Variants in PRKG1 observed in about 807,000 individuals in gnomAD.
PRKG1 encodes protein kinase cGMP-dependent 1.
In PRKG1, 35 loss-of-function variants were observed where a neutral mutation model predicts 88.1. The ratio of observed to expected loss-of-function variants is 0.40; its 90% CI spans 0.30 to 0.53. The LOEUF (loss-of-function observed/expected upper bound fraction) is 0.53. Ranked by LOEUF, PRKG1 falls within the 20% of genes least tolerant of loss-of-function variation. PRKG1 has a pLI of 0.59. For synonymous variants in PRKG1, 303 were observed against 292.5 expected, an observed-to-expected ratio of 1.04 and a Z score of -0.37; for missense variants, 540 against 839.8, an observed-to-expected ratio of 0.64 and a Z score of 4.41.
At position 51,578,858 on chromosome 10, in the gene PRKG1, G is replaced by A. The variant is rs142508693; in HGVS notation, c.592+111022G>A. 1.1e-3 allele frequency among the ~76,000 whole-genome samples: 169 copies of A among 151,794 alleles called. 1 individual carries two copies. The highest frequency in any genetic ancestry group is 3.6e-3 in the African/African-American group (151 of 41,406). On this transcript the variant is annotated intron_variant, in intron 3 of 17. Coordinates refer to ENST00000373980, the MANE Select transcript of PRKG1 (RefSeq NM_006258.4). The stretch of plus-strand genomic sequence containing the variant: ...AAATAATTATGTTTTAATGAGATTG[G>A]GACCAACCATAGACCATATAGCATA...
In PRKG1 at chr10:51,265,390, T is replaced by C. The variant is rs1248630350; in HGVS notation, c.478+112060T>C. ...AATTTTTAGTCTAATTTTGTAAGTA[T>C]GTTCAATTCAATATTTGGACATACT... is the stretch of plus-strand genomic sequence containing the variant. On this transcript the variant is annotated intron_variant, in intron 2 of 17. Transcript: ENST00000373980. Among the ~76,000 whole-genome samples the C allele has an allele frequency of 2.0e-5, 3 of 152,184 alleles. No homozygotes were observed. In the East Asian group the frequency reaches 5.8e-4, roughly 29 times the overall value.
chr10:51,740,023 C>A (rs1837391614), intron 3 of PRKG1, among the ~76,000 whole-genome samples: 1 of 151,938 alleles, frequency 6.6e-6, no homozygotes, highest in Non-Finnish European at 1.5e-5. Context: ...GATTGTATAC[C>A]CACACAGATA....
At chr10:51,447,102 C>T (rs1839295510) in intron 2 of PRKG1, among the ~76,000 whole-genome samples, 1 of 152,018 alleles carries the variant, frequency 6.6e-6, no homozygotes, top group Non-Finnish European at 1.5e-5. Flanking sequence ...GAGTCTGTCA[C>T]ATCACCTATA....
At chr10:51,355,569 A>C (rs1049529237) in intron 2 of PRKG1, among the ~76,000 whole-genome samples, 5 of 152,048 alleles carry the variant, frequency 3.3e-5, no homozygotes, top group Admixed American at 1.3e-4. Context: ...GAAATCTAAT[A>C]GCCACAGTGA....
intron 3 of PRKG1, among the ~76,000 whole-genome samples, chr10:51,803,980 G>A (rs957891898): frequency 1.3e-5 from 2 of 152,136 alleles, no homozygotes; most frequent in Non-Finnish European, 2.9e-5. Flanking sequence ...GTCAAAGATA[G>A]TGGTGCATAA....
At position 52,064,476 on chromosome 10, in the gene PRKG1, C is replaced by G. The variant is rs150519944; in HGVS notation, c.935+1845C>G. Among the ~76,000 whole-genome samples the G allele has an allele frequency of 9.3e-3, 1,417 of 152,334 alleles. 10 individuals are homozygous for G. The highest frequency in any genetic ancestry group is 0.017 in the Middle Eastern group (5 of 294). ...AGAAATGCCTGGGTCTAGCTACCTC[C>G]AAGAGGGCAGGGATCTTGTCAGCTC... is the stretch of plus-strand genomic sequence containing the variant. On this transcript the variant is annotated intron_variant, in intron 7 of 17. Transcript: ENST00000373980.
intron 3 of PRKG1, among the ~76,000 whole-genome samples, chr10:51,573,761 G>C (rs1019448996): frequency 2.6e-5 from 4 of 151,802 alleles, no homozygotes; most frequent in Admixed American, 6.6e-5. Flanking sequence ...GTTGAACTCG[G>C]TAAAAGTCTT....
At chr10:51,447,296 C>T (rs2132761910) in intron 2 of PRKG1, among the ~76,000 whole-genome samples, 1 of 152,054 alleles carries the variant, frequency 6.6e-6, no homozygotes, top group South Asian at 2.1e-4. Flanking sequence ...CACTCTCAGC[C>T]CCACCCCAGT....
chr10:51,477,746 C>T (rs567916217), intron 3 of PRKG1, among the ~76,000 whole-genome samples: 6 of 151,906 alleles, frequency 3.9e-5, no homozygotes, highest in Admixed American at 1.3e-4. Flanking sequence ...CGTCATTTGC[C>T]GAACCTGAGG....
intron 9 of PRKG1, among the ~76,000 whole-genome samples, chr10:52,164,596 C>G (rs1038793664): frequency 6.6e-6 from 1 of 151,762 alleles, no homozygotes; most frequent in Non-Finnish European, 1.5e-5. Context: ...TTTAATAAAA[C>G]AGTAACATTT....
intron 2 of PRKG1, among the ~76,000 whole-genome samples, chr10:51,261,328 G>C (rs1351002047): frequency 1.3e-5 from 2 of 152,150 alleles, no homozygotes; most frequent in African/African-American, 2.4e-5. Context: ...TCAAATATCT[G>C]TATTTCTCCA....
intron 3 of PRKG1, among the ~76,000 whole-genome samples, chr10:51,790,805 C>A (rs979703339): frequency 6.6e-5 from 10 of 152,220 alleles, no homozygotes; most frequent in Admixed American, 5.9e-4. Context: ...TAGCTGTATG[C>A]CTCACTCCTC....
chr10:51,105,983 A>C (rs1844823944), intron 1 of PRKG1, among the ~76,000 whole-genome samples: 1 of 152,242 alleles, frequency 6.6e-6, no homozygotes, highest in South Asian at 2.1e-4. Flanking sequence ...GAGACAAGAC[A>C]GAAAAATAGC....
At chr10:52,011,139 T>C (rs188299694) in intron 5 of PRKG1, among the ~76,000 whole-genome samples, 1 of 152,340 alleles carries the variant, frequency 6.6e-6, no homozygotes, top group East Asian at 1.9e-4. Context: ...TGTTGGTAGA[T>C]AGACCTGGTT....
intron 2 of PRKG1, among the ~76,000 whole-genome samples, chr10:51,217,167 C>T (rs539981829): frequency 6.6e-6 from 1 of 152,088 alleles, no homozygotes; most frequent in African/African-American, 2.4e-5. Context: ...ATATGCATTT[C>T]TACAACACAA....
chr10:52,034,345 A>G (rs10823987), intron 5 of PRKG1, among the ~76,000 whole-genome samples: 31,861 of 84,274 alleles, frequency 0.38, 8,023 homozygotes, highest in South Asian at 0.46. Context: ...ATTAGGGGTG[A>G]CGTGGGAACC....
intron 3 of PRKG1, among the ~76,000 whole-genome samples, chr10:51,575,642 T>A (rs1837867542): frequency 6.6e-6 from 1 of 151,982 alleles, no homozygotes; most frequent in Non-Finnish European, 1.5e-5. Context: ...ACTATATAGA[T>A]TATAATCAAT....
intron 1 of PRKG1, among the ~76,000 whole-genome samples, chr10:51,059,210 C>A (rs1843667764): frequency 6.6e-6 from 1 of 151,890 alleles, no homozygotes; most frequent in South Asian, 2.1e-4. Flanking sequence ...AGTGGTCAGA[C>A]CTCAATTATA....
At chr10:51,815,261 A>C (rs541199093) in intron 4 of PRKG1, among the ~76,000 whole-genome samples, 1 of 152,186 alleles carries the variant, frequency 6.6e-6, no homozygotes, top group African/African-American at 2.4e-5. Context: ...TTTCTGTATC[A>C]TCCAGATTGA....
Sources: gnomAD v4.1 joint callset for allele counts (sites outside exome capture counted in the v4.1 genomes callset) on GRCh38, gnomAD v4.1.1 for gene constraint, MANE v1.5 for transcripts, NCBI Gene and HGNC (gene_info 2026-07-23, HGNC 2026-07-21) for gene names.